The following ADAMTSL1 variants were observed in gnomAD, a reference collection of about 807,000 sequenced individuals.
The protein encoded by ADAMTSL1 is ADAMTS like 1.
In ADAMTSL1, 126 loss-of-function variants were observed where a neutral mutation model predicts 201.8. The ratio of observed to expected loss-of-function variants is 0.62; its 90% CI spans 0.54 to 0.72. The LOEUF is 0.72. ADAMTSL1 is among the 30% of genes least tolerant of loss of function. ADAMTSL1 has a pLI of 0.00. For synonymous variants in ADAMTSL1, 1,121 were observed against 903.4 expected, an observed-to-expected ratio of 1.24 and a Z score of -4.32; for missense variants, 2,679 against 2,277.8, an observed-to-expected ratio of 1.18 and a Z score of -3.59.
chr9:18,163,485 A>G (rs1379917659), intron 1 of ADAMTSL1, among the ~76,000 whole-genome samples: 3 of 151,954 alleles, frequency 2.0e-5, no homozygotes, highest in South Asian at 2.1e-4. Context: ...GCTGGGATCT[A>G]TTGGACTAAG....
At chr9:18,747,765 G>A (rs915310450) in intron 15 of ADAMTSL1, among the ~76,000 whole-genome samples, 2 of 152,158 alleles carry the variant, frequency 1.3e-5, no homozygotes, top group African/African-American at 4.8e-5. Context: ...GCATGGCTAA[G>A]GGTGCTCTGC....
intron 1 of ADAMTSL1, among the ~76,000 whole-genome samples, chr9:18,118,362 A>C (rs978486361): frequency 6.6e-6 from 1 of 152,198 alleles, no homozygotes; most frequent in Admixed American, 6.5e-5. Flanking sequence ...CTGAGCAATA[A>C]ACAGTCCTTG....
intron 2 of ADAMTSL1, among the ~76,000 whole-genome samples, chr9:18,418,272 G>A (rs975026131): frequency 3.9e-5 from 6 of 152,124 alleles, no homozygotes; most frequent in Non-Finnish European, 8.8e-5. Flanking sequence ...AACTTAGTGC[G>A]AAAGACTGAA....
chr9:18,071,935 G>C (rs1021994423), intron 1 of ADAMTSL1, among the ~76,000 whole-genome samples: 2 of 152,170 alleles, frequency 1.3e-5, no homozygotes, highest in Non-Finnish European at 2.9e-5. Flanking sequence ...ATCTCCATTA[G>C]AGAGAAAATA....
intron 2 of ADAMTSL1, among the ~76,000 whole-genome samples, chr9:18,291,900 C>T (rs10511643): frequency 0.061 from 9,261 of 152,080 alleles, 950 homozygotes; most frequent in African/African-American, 0.21. Context: ...CAGGGATATG[C>T]CTTTACGCTT....
At chr9:17,946,838 C>G (rs1009061265) in intron 1 of ADAMTSL1, among the ~76,000 whole-genome samples, 13 of 152,096 alleles carry the variant, frequency 8.5e-5, no homozygotes, top group African/African-American at 2.7e-4. Context: ...GCTTTGAAAA[C>G]TTAAGTGTTT....
At chr9:18,010,613 T>G (rs1231090759) in intron 1 of ADAMTSL1, among the ~76,000 whole-genome samples, 1 of 151,940 alleles carries the variant, frequency 6.6e-6, no homozygotes, top group Non-Finnish European at 1.5e-5. Flanking sequence ...AGGAAACCCC[T>G]AAGTATCGTC....
chr9:18,783,678 C>G (rs930509034), intron 19 of ADAMTSL1, among the ~76,000 whole-genome samples: 1 of 152,080 alleles, frequency 6.6e-6, no homozygotes, highest in African/African-American at 2.4e-5. Context: ...TTAACTTGCT[C>G]AAGTTCTCAC....
intron 7 of ADAMTSL1, among the ~76,000 whole-genome samples, chr9:18,656,788 C>G (rs922718407): frequency 6.6e-6 from 1 of 151,870 alleles, no homozygotes; most frequent in Non-Finnish European, 1.5e-5. Flanking sequence ...AAAAGTAGTC[C>G]AAACCTTGCC....
chr9:18,153,146 C>T (rs1826992435), intron 1 of ADAMTSL1, among the ~76,000 whole-genome samples: 1 of 152,012 alleles, frequency 6.6e-6, no homozygotes, highest in African/African-American at 2.4e-5. Flanking sequence ...ATTGAGCTTG[C>T]AGTCAGCTAT....
intron 2 of ADAMTSL1, among the ~76,000 whole-genome samples, chr9:18,441,078 T>C (rs1195771761): frequency 1.3e-5 from 2 of 152,060 alleles, no homozygotes; most frequent in Non-Finnish European, 2.9e-5. Context: ...AAAGGGCCCA[T>C]ATAATATTAT....
At chr9:18,489,338 A>G (rs945047899) in intron 1 of ADAMTSL1, among the ~76,000 whole-genome samples, 1 of 152,210 alleles carries the variant, frequency 6.6e-6, no homozygotes, top group Non-Finnish European at 1.5e-5. Flanking sequence ...CCTGTAGTCA[A>G]TGTGAATGCA....
intron 1 of ADAMTSL1, among the ~76,000 whole-genome samples, chr9:18,496,587 A>G (rs1326969445): frequency 6.6e-6 from 1 of 152,218 alleles, no homozygotes; most frequent in East Asian, 1.9e-4. Context: ...GAAGTTAGCT[A>G]GTCATTTCAT....
intron 9 of ADAMTSL1, among the ~76,000 whole-genome samples, chr9:18,670,569 G>T (rs1159007609): frequency 1.3e-5 from 2 of 152,218 alleles, no homozygotes; most frequent in South Asian, 2.1e-4. Flanking sequence ...AACAGTGGCA[G>T]TTTGGGAGTT....
intron 2 of ADAMTSL1, among the ~76,000 whole-genome samples, chr9:18,331,940 G>T (rs1473851584): frequency 6.6e-6 from 1 of 152,152 alleles, no homozygotes; most frequent in Non-Finnish European, 1.5e-5. Context: ...TCAGCTTGCT[G>T]CAGTCTCGCC....
At chr9:18,718,390 C>T in intron 14 of ADAMTSL1, 1 of 702,158 alleles carries the variant, frequency 1.4e-6, no homozygotes, top group East Asian at 3.1e-5. Flanking sequence ...TGCTGTGCAT[C>T]TACTTCAACT....
At chr9:18,685,559 T>C (rs1830778700) in intron 13 of ADAMTSL1, among the ~76,000 whole-genome samples, 1 of 152,260 alleles carries the variant, frequency 6.6e-6, no homozygotes, top group African/African-American at 2.4e-5. Flanking sequence ...AAAAATTTTC[T>C]AAATTAATTC....
chr9:18,722,781 A>AT (rs1283822696), intron 15 of ADAMTSL1, among the ~76,000 whole-genome samples: 2 of 152,236 alleles, frequency 1.3e-5, no homozygotes, highest in African/African-American at 4.8e-5. Flanking sequence ...CAAGGCAACC[A>AT]TAAAATCAGT....
chr9:18,044,160 T>C (rs1821556654), intron 1 of ADAMTSL1, among the ~76,000 whole-genome samples: 1 of 151,830 alleles, frequency 6.6e-6, no homozygotes, highest in African/African-American at 2.4e-5. Flanking sequence ...GACTTTGATC[T>C]AGTTTGGTCA....
Sources: gnomAD v4.1 joint callset for allele counts (sites outside exome capture counted in the v4.1 genomes callset) on GRCh38, gnomAD v4.1.1 for gene constraint, MANE v1.5 for transcripts, NCBI Gene and HGNC (gene_info 2026-07-23, HGNC 2026-07-21) for gene names.